The following EFCAB13 variants were observed in gnomAD, a reference collection of about 807,000 sequenced individuals.
EFCAB13 encodes EF-hand calcium-binding domain-containing protein 13.
EFCAB13 carries 91 observed loss-of-function variants against 110.2 expected under a neutral mutation model. The ratio of observed to expected loss-of-function variants is 0.83; its 90% CI spans 0.70 to 0.98. The LOEUF (loss-of-function observed/expected upper bound fraction) is 0.98, where lower values mean the gene tolerates loss of function less well. Ranked by LOEUF, EFCAB13 falls within the 50% of genes least tolerant of loss-of-function variation. The probability of loss-of-function intolerance (pLI) is 0.00; values close to 1 mark genes in which losing one functional copy is unlikely to be tolerated. For missense variants in EFCAB13, 968 were observed against 1,119.4 expected (o/e 0.86, Z 1.93); for synonymous variants, 323 against 369.9 (o/e 0.87, Z 1.45).
chr17:47,378,202 C>T (rs556817587), intron 13 of EFCAB13, among the ~76,000 whole-genome samples: 23 of 152,056 alleles, frequency 1.5e-4, no homozygotes, highest in Non-Finnish European at 2.9e-4. Context: ...CCAGTTGTAG[C>T]GAGGTTCAGA....
At chr17:47,404,250 G>A (rs566700665) in intron 19 of EFCAB13, among the ~76,000 whole-genome samples, 3 of 152,188 alleles carry the variant, frequency 2.0e-5, no homozygotes, top group African/African-American at 4.8e-5. Context: ...TTGATTTAGC[G>A]AATGAAAAAC....
Position 47,412,918 on chromosome 17 carries a change from TG to T in EFCAB13, c.2422+3del, listed in dbSNP as rs1193261296. Reference sequence around the variant, plus strand: ...CCCTTAACTGTTGTAACGTCAGTGGTGAGCATTTTTTTGGCCTGAGATTCTT... The same window carrying T: ...CCCTTAACTGTTGTAACGTCAGTGGTAGCATTTTTTTGGCCTGAGATTCTT... On this transcript the variant is annotated splice_donor_region_variant and intron_variant, in intron 22 of 24. Coordinates refer to ENST00000331493, the MANE Select transcript of EFCAB13 (RefSeq NM_152347.5). The T allele has an allele frequency of 3.1e-6, 5 of 1,600,114 alleles. No homozygotes were observed. The highest frequency in any genetic ancestry group is 4.3e-6 in the Non-Finnish European group (5 of 1,173,748).
chr17:47,436,033 A>G (rs956114232), intron 24 of EFCAB13, among the ~76,000 whole-genome samples: 1 of 151,840 alleles, frequency 6.6e-6, no homozygotes, highest in Non-Finnish European at 1.5e-5. Context: ...CTGCATGGTC[A>G]TGTTATTTTT....
chr17:47,415,716 G>A (rs1836609598), intron 23 of EFCAB13, among the ~76,000 whole-genome samples: 1 of 152,106 alleles, frequency 6.6e-6, no homozygotes, highest in Admixed American at 6.6e-5. Context: ...TTCACAACTG[G>A]ACTGCCCATC....
intron 2 of EFCAB13, among the ~76,000 whole-genome samples, chr17:47,325,530 TG>T (rs1212185128): frequency 3.9e-5 from 6 of 152,190 alleles, no homozygotes; most frequent in Admixed American, 3.9e-4. Flanking sequence ...CTCCATGATA[TG>T]CCACTTTCAC....
At chr17:47,339,687 G>A (rs932376491) in intron 5 of EFCAB13, among the ~76,000 whole-genome samples, 4 of 136,490 alleles carry the variant, frequency 2.9e-5, no homozygotes, top group African/African-American at 1.1e-4. Flanking sequence ...GCAACAGAGT[G>A]AGACTCCATC....
rs372215001 is a variant in EFCAB13, at chr17:47,430,018, A to C, written c.2638+57A>C. The stretch of plus-strand genomic sequence containing the variant: ...GACCATCCTCTACCACAGGGGTGGA[A>C]GGTCTATGGGTAGGACATGCAGGGA... On this transcript the variant is annotated intron_variant, in intron 24 of 24. Coordinates refer to ENST00000331493, the MANE Select transcript of EFCAB13 (RefSeq NM_152347.5). 1.3e-4 allele frequency: 198 copies of C among 1,514,300 alleles called. 1 individual carries two copies. The African/African-American group carries it at 2.5e-3, about 19-fold the overall frequency. The allele number at this position is 1,514,300 out of a possible 1,614,324, so 93.8% of individuals were successfully genotyped here.
chr17:47,348,753 A>T (rs1029236629), intron 9 of EFCAB13, among the ~76,000 whole-genome samples: 4 of 152,096 alleles, frequency 2.6e-5, no homozygotes, highest in African/African-American at 9.7e-5. Context: ...TTTTTTGCCC[A>T]TTGAAAAATT....
At chr17:47,397,632 G>C (rs1283944829) in intron 17 of EFCAB13, among the ~76,000 whole-genome samples, 2 of 146,816 alleles carry the variant, frequency 1.4e-5, no homozygotes, top group African/African-American at 2.6e-5. Context: ...GCCGCCCATC[G>C]TCTGAGATGT....
chr17:47,420,066 G>T (rs1271925711), intron 23 of EFCAB13, among the ~76,000 whole-genome samples: 1 of 152,122 alleles, frequency 6.6e-6, no homozygotes, highest in African/African-American at 2.4e-5. Context: ...TCCTGCCTCA[G>T]CCTGCCAAGT....
In EFCAB13 at chr17:47,424,874, C is replaced by CTTTTTTTTTTT. The variant is rs548271723; in HGVS notation, c.2495-4928_2495-4918dup. The stretch of plus-strand genomic sequence containing the variant: ...AGGATTTCTTTCTCCGGTTGACAAT[C>CTTTTTTTTTTT]TTTTTTTTTTTTTTTTTTTTTTTTT... On this transcript the variant is annotated intron_variant, in intron 23 of 24. Coordinates refer to ENST00000331493, the MANE Select transcript of EFCAB13 (RefSeq NM_152347.5). Among the ~76,000 whole-genome samples the CTTTTTTTTTTT allele has an allele frequency of 9.8e-3, 363 of 36,892 alleles. 77 individuals are homozygous for CTTTTTTTTTTT. The highest frequency in any genetic ancestry group is 0.012 in the Non-Finnish European group (231 of 19,746). The allele number at this position is 36,892 out of a possible 152,430, so 24.2% of individuals were successfully genotyped here.
chr17:47,375,093 T>A lies in EFCAB13; in HGVS notation c.1372+127T>A, dbSNP rs2065607358. On this transcript the variant is annotated intron_variant, in intron 12 of 24. Transcript: ENST00000331493. ...GGGTAACCACCACTTCTTTTTTTTT[T>A]AATTTTTAAATTATTTATAGAGACA... 21 of 1,106,470 alleles carry A rather than the reference T, an allele frequency of 1.9e-5. No homozygotes were observed. The South Asian group carries it at 2.6e-4, about 14-fold the overall frequency. 68.5% of individuals were successfully genotyped at this position (1,106,470 alleles called of 1,614,324 possible). A position where few individuals can be genotyped will look rare whatever the true frequency, so the allele number is the denominator to read the frequency against.
At chr17:47,375,927 C>T (rs2065613048) in intron 12 of EFCAB13, among the ~76,000 whole-genome samples, 1 of 152,004 alleles carries the variant, frequency 6.6e-6, no homozygotes, top group African/African-American at 2.4e-5. Context: ...ATATCTAGGG[C>T]TCCAAGTCTT....
At chr17:47,384,086 T>G (rs1026524601) in intron 14 of EFCAB13, among the ~76,000 whole-genome samples, 4 of 151,954 alleles carry the variant, frequency 2.6e-5, no homozygotes, top group African/African-American at 9.7e-5. Flanking sequence ...CTTCTTTGTC[T>G]TTTTTGATCT....
chr17:47,334,005 A>C (rs1258372987), intron 4 of EFCAB13, among the ~76,000 whole-genome samples: 1 of 152,166 alleles, frequency 6.6e-6, no homozygotes, highest in African/African-American at 2.4e-5. Flanking sequence ...ATTGCATTGA[A>C]TCTGTAGATA....
chr17:47,350,688 C>G (rs1567784514), intron 9 of EFCAB13, among the ~76,000 whole-genome samples: 1 of 151,824 alleles, frequency 6.6e-6, no homozygotes, highest in African/African-American at 2.4e-5. Context: ...TTGTTTGTAT[C>G]TCTTCCTAAA....
At chr17:47,408,847 C>T (rs184234631) in intron 20 of EFCAB13, among the ~76,000 whole-genome samples, 1 of 151,898 alleles carries the variant, frequency 6.6e-6, no homozygotes, top group Admixed American at 6.6e-5. Flanking sequence ...ATACCCTTGC[C>T]CCCCCCAATA....
At chr17:47,336,581 G>A (rs113613758) in intron 5 of EFCAB13, among the ~76,000 whole-genome samples, 3,366 of 147,824 alleles carry the variant, frequency 0.023, 105 homozygotes, top group East Asian at 0.18. Flanking sequence ...GTGAGCCACC[G>A]CACCTGGCCA....
intron 5 of EFCAB13, 31 bp from the exon 6 acceptor site, chr17:47,341,890 C>A: frequency 8.0e-7 from 1 of 1,252,564 alleles, no homozygotes. Context: ...AAAAGAAATT[C>A]AAGAATGATT....
Sources: gnomAD v4.1 joint callset for allele counts (sites outside exome capture counted in the v4.1 genomes callset) on GRCh38, gnomAD v4.1.1 for gene constraint, MANE v1.5 for transcripts, NCBI Gene and HGNC (gene_info 2026-07-23, HGNC 2026-07-21) for gene names.